Variants in ZGPAT observed in about 807,000 individuals in gnomAD.
ZGPAT encodes the protein zinc finger CCCH-type and G-patch domain containing.
ZGPAT carries 39 observed loss-of-function variants against 47.9 expected under a neutral mutation model. That is an observed-to-expected ratio of 0.81 (90% CI 0.63 to 1.06). The LOEUF is 1.06. ZGPAT is among the 50% of genes least tolerant of loss of function. The probability of loss-of-function intolerance (pLI) is 0.00; values close to 1 mark genes in which losing one functional copy is unlikely to be tolerated. For missense variants in ZGPAT, 717 were observed against 681.4 expected, an observed-to-expected ratio of 1.05 and a Z score of -0.58; for synonymous variants, 348 against 292.9, an observed-to-expected ratio of 1.19 and a Z score of -1.92.
chr20:63,714,853 A>T (rs189192410), intron 2 of ZGPAT, among the ~76,000 whole-genome samples: 11 of 152,074 alleles, frequency 7.2e-5, no homozygotes, highest in African/African-American at 2.7e-4. Context: ...TTTGCTGCCC[A>T]GGCTGGTCTT....
At position 63,733,220 on chromosome 20, in the gene ZGPAT, T is replaced by C; in HGVS notation, c.586T>C (p.Phe196Leu). Reference protein sequence around the residue: ...GKCRFKENCRFSHGQVVSLDE... With the variant: ...GKCRFKENCRLSHGQVVSLDE... ...TGCCCCTTACGGCTCTGTCTGCAGG[T>C]TCTCCCATGGGCAGGTGGTCTCTCT... Residue 196 changes from phenylalanine (F) to leucine (L), a missense_variant and splice_region_variant, in exon 3 of 7, where the codon TTC becomes CTC. By Grantham distance (22) the Phe-to-Leu change is conservative. Transcript: ENST00000355969. The C allele has an allele frequency of 6.2e-7, 1 of 1,613,114 alleles. No individual in the cohort carries two copies. Among genetic ancestry groups the C allele is most frequent in the Non-Finnish European group, 8.5e-7 (1 of 1,179,384 alleles).
intron 2 of ZGPAT, among the ~76,000 whole-genome samples, chr20:63,720,719 G>GT (rs1237660005): frequency 1.3e-5 from 2 of 152,122 alleles, no homozygotes; most frequent in African/African-American, 4.8e-5. Flanking sequence ...CTCCCAAGGT[G>GT]TTGAGATTAC....
chr20:63,710,305 A>G (rs75559402), intron 2 of ZGPAT, among the ~76,000 whole-genome samples: 1 of 151,648 alleles, frequency 6.6e-6, no homozygotes, highest in Non-Finnish European at 1.5e-5. Context: ...GGCGCCCGCC[A>G]CCACACTGGG....
chr20:63,722,916 C>T (rs1054091052), intron 2 of ZGPAT, among the ~76,000 whole-genome samples: 6 of 152,180 alleles, frequency 3.9e-5, no homozygotes, highest in Admixed American at 3.3e-4. Context: ...CAGGTGTGAG[C>T]GACTGCACTG....
chr20:63,734,201 TGTATGC>T lies in ZGPAT; in HGVS notation c.871+465_871+470del, dbSNP rs1456858993. On this transcript the variant is annotated intron_variant, in intron 4 of 6. Transcript: ENST00000355969. ...GTGTCCAGCTCTCCAGAGGGGTGTG[TGTATGC>T]GTGTGCGTGTGTGTGTATATATGTG... The T allele has an allele frequency of 2.3e-5, 6 of 265,272 alleles. No individual in the cohort carries two copies. In the East Asian group the frequency reaches 3.0e-4, roughly 13 times the overall value. 16.4% of individuals were successfully genotyped at this position (265,272 alleles called of 1,614,324 possible).
intron 2 of ZGPAT, among the ~76,000 whole-genome samples, chr20:63,715,530 CAGCGAGCCTTATCTTTTTA>C (rs2091718605): frequency 6.6e-6 from 1 of 152,140 alleles, no homozygotes; most frequent in Non-Finnish European, 1.5e-5. Flanking sequence ...TGAGCCACCG[CAGCGAGCCTTATCTTTTTA>C]ACAGTTAAAA....
Position 63,735,244 on chromosome 20 carries a change from G to C in ZGPAT, c.1077G>C (p.Glu359Asp), listed in dbSNP as rs774010788. The C allele has an allele frequency of 6.2e-7, 1 of 1,601,668 alleles. No homozygotes were observed. Among genetic ancestry groups the C allele is most frequent in the Non-Finnish European group, 8.5e-7 (1 of 1,174,490 alleles). The change falls in exon 6 of 7, where the codon GAG (glutamate) becomes GAC (aspartate). Residue 359 changes from glutamate (E) to aspartate (D), a missense_variant. Transcript: ENST00000355969. ...PRGKSLDQCV[E>D]TLQKQTRVGK... ...GGAAGTCGCTGGACCAGTGTGTGGA[G>C]ACCCTGCAGAAGCAGACCAGGGTTG...
chr20:63,708,705 A>C lies in ZGPAT; in HGVS notation c.125A>C (p.Asp42Ala). Reference sequence around the variant, plus strand: ...GCTGACCTGCGCCAGCTGCAGGGGGACCTGAAGGAGCTCATCGAGCTCACC... The same window carrying C: ...GCTGACCTGCGCCAGCTGCAGGGGGCCCTGAAGGAGCTCATCGAGCTCACC... Reference protein sequence around the residue: ...EQADLRQLQGDLKELIELTEA... With the variant: ...EQADLRQLQGALKELIELTEA... Residue 42 changes from aspartate (D) to alanine (A), a missense_variant, in exon 2 of 7, where the codon GAC becomes GCC. Asp to Ala is a moderately radical substitution (Grantham distance 126). Coordinates refer to ENST00000355969, the MANE Select transcript of ZGPAT (RefSeq NM_181485.3). 1.2e-6 allele frequency: 2 copies of C among 1,612,608 alleles called. No homozygotes were observed. The highest frequency in any genetic ancestry group is 1.7e-6 in the Non-Finnish European group (2 of 1,179,890).
At chr20:63,713,804 G>A (rs1249752597) in intron 2 of ZGPAT, among the ~76,000 whole-genome samples, 1 of 151,030 alleles carries the variant, frequency 6.6e-6, no homozygotes, top group Non-Finnish European at 1.5e-5. Flanking sequence ...CTGGGAGGCG[G>A]AGGTTGCAGT....
At chr20:63,725,764 C>CTT (rs71197427) in intron 2 of ZGPAT, among the ~76,000 whole-genome samples, 9 of 136,944 alleles carry the variant, frequency 6.6e-5, no homozygotes, top group Non-Finnish European at 1.1e-4. Context: ...TTCTCTAAAG[C>CTT]TTTTTTTTTT....
chr20:63,708,601 G>A lies in ZGPAT; in HGVS notation c.21G>A (p.Glu7=), dbSNP rs772616003. 1.9e-6 allele frequency: 3 copies of A among 1,604,258 alleles called. No homozygotes were observed. The highest frequency in any genetic ancestry group is 2.2e-5 in the South Asian group (2 of 90,666). MDEESL[E]SALQTYRAQL... is the part of the protein sequence containing the mutation. ...TCAGCATGGACGAGGAGAGCCTGGA[G>A]TCGGCCTTGCAGACCTACCGTGCGC... is the stretch of plus-strand genomic sequence containing the variant. Residue 7 remains glutamate, a synonymous_variant, in exon 2 of 7, where the codon GAG becomes GAA. Transcript: ENST00000355969.
rs1172629797 is a variant in ZGPAT, at chr20:63,734,752, G to C, written c.919G>C (p.Ala307Pro). 6.2e-7 allele frequency: 1 copy of C among 1,613,956 alleles called. No individual in the cohort carries two copies. Among genetic ancestry groups the C allele is most frequent in the South Asian group, 1.1e-5 (1 of 91,050 alleles). ...CTCTGGGACCTGCAGCTCTGCCTTT[G>C]CTGGCTGGGAGGTGCACACGCGAGG... ...VDSGTCSSAFAGWEVHTRGIG... is the reference protein window; with the variant it reads ...VDSGTCSSAFPGWEVHTRGIG... The change falls in exon 5 of 7, where the codon GCT (alanine) becomes CCT (proline). Residue 307 changes from alanine (A) to proline (P), a missense_variant. By Grantham distance (27) the Ala-to-Pro change is conservative (BLOSUM62 -1). Transcript: ENST00000355969.
At position 63,709,153 on chromosome 20, in the gene ZGPAT, G is replaced by A. The variant is rs1362182394; in HGVS notation, c.573G>A (p.Lys191=). 1.2e-6 allele frequency: 2 copies of A among 1,610,448 alleles called. No homozygotes were observed. Among genetic ancestry groups the A allele is most frequent in the Admixed American group, 3.3e-5 (2 of 60,022 alleles). The change falls in exon 2 of 7, where the codon AAG becomes AAA. Residue 191 remains lysine (K), a synonymous_variant. Transcript: ENST00000355969. The stretch of plus-strand genomic sequence containing the variant: ...TCCTGGAGGGAAAGTGCCGCTTTAA[G>A]GAGAACTGCAGGTAAAGCCCTTTGT... The part of the protein sequence containing the change: ...PFFLEGKCRF[K]ENCRFSHGQV...
chr20:63,733,072 G>C (rs369968027), intron 2 of ZGPAT, 147 bp from the exon 3 acceptor site: 2 of 1,000,100 alleles, frequency 2.0e-6, no homozygotes, highest in African/African-American at 1.6e-5. Flanking sequence ...ATGTGTGTGC[G>C]TGAGTGTGTG....
intron 2 of ZGPAT, among the ~76,000 whole-genome samples, chr20:63,730,780 C>T (rs970828708): frequency 2.0e-5 from 3 of 152,168 alleles, no homozygotes; most frequent in Admixed American, 6.5e-5. Context: ...CTGCACCTGG[C>T]CCCTCAGTTG....
Position 63,709,151 on chromosome 20 carries a change from AAGG to A in ZGPAT, c.574_576del (p.Glu192del). 1.9e-6 allele frequency: 3 copies of A among 1,610,624 alleles called. No homozygotes were observed. The highest frequency in any genetic ancestry group is 2.5e-6 in the Non-Finnish European group (3 of 1,180,006). ...CTTCCTGGAGGGAAAGTGCCGCTTT[AAGG>A]AGAACTGCAGGTAAAGCCCTTTGTT... On this transcript the variant is annotated inframe_deletion, in exon 2 of 7. Coordinates refer to ENST00000355969, the MANE Select transcript of ZGPAT (RefSeq NM_181485.3).
At chr20:63,727,275 C>T (rs1049089894) in intron 2 of ZGPAT, among the ~76,000 whole-genome samples, 8 of 146,946 alleles carry the variant, frequency 5.4e-5, no homozygotes, top group Admixed American at 2.8e-4. Flanking sequence ...GAGTCTGCCT[C>T]TGTTGCCCAG....
chr20:63,731,877 G>A (rs914048845), intron 2 of ZGPAT, among the ~76,000 whole-genome samples: 10 of 152,212 alleles, frequency 6.6e-5, no homozygotes, highest in Non-Finnish European at 1.2e-4. Context: ...CATTTACATC[G>A]TATTAGGTAC....
chr20:63,735,361 C>A lies in ZGPAT; in HGVS notation c.1194C>A (p.Leu398=). The change falls in exon 6 of 7, where the codon CTC becomes CTA. Residue 398 remains leucine (L), a synonymous_variant. Coordinates refer to ENST00000355969, the MANE Select transcript of ZGPAT (RefSeq NM_181485.3). Reference sequence around the variant, plus strand: ...CTCCTCGGAATGTGTTTGACTTCCTCAATGAAAAGCTGCAAGGTCAGGCTC... The same window carrying A: ...CTCCTCGGAATGTGTTTGACTTCCTAAATGAAAAGCTGCAAGGTCAGGCTC... ...RPAPRNVFDF[L]NEKLQGQAPG... 6.5e-7 allele frequency: 1 copy of A among 1,545,240 alleles called. No individual in the cohort carries two copies. Among genetic ancestry groups the A allele is most frequent in the Non-Finnish European group, 8.7e-7 (1 of 1,149,652 alleles).
Sources: gnomAD v4.1 joint callset for allele counts (sites outside exome capture counted in the v4.1 genomes callset) on GRCh38, gnomAD v4.1.1 for gene constraint, MANE v1.5 for transcripts, NCBI Gene and HGNC (gene_info 2026-07-23, HGNC 2026-07-21) for gene names.